Variants in SSH1 observed in about 807,000 individuals in gnomAD.
SSH1 encodes the protein slingshot protein phosphatase 1.
SSH1 carries 43 observed loss-of-function variants against 79.7 expected under a neutral mutation model. That is an observed-to-expected ratio of 0.54 (90% CI 0.42 to 0.70). The LOEUF (loss-of-function observed/expected upper bound fraction) is 0.70, where lower values mean the gene tolerates loss of function less well. SSH1 is among the 30% of genes least tolerant of loss of function. The probability of loss-of-function intolerance (pLI) is 0.00; values close to 1 mark genes in which losing one functional copy is unlikely to be tolerated. For missense variants in SSH1, 1,206 were observed against 1,358.8 expected (o/e 0.89, Z 1.77); for synonymous variants, 599 against 538.3 (o/e 1.11, Z -1.56).
At chr12:108,824,915 T>G (rs1698387475) in intron 2 of SSH1, among the ~76,000 whole-genome samples, 1 of 152,166 alleles carries the variant, frequency 6.6e-6, no homozygotes, top group African/African-American at 2.4e-5. Context: ...TACACCAAAA[T>G]TATTAACAAC....
rs1465486100 is a variant in SSH1 at position 108,810,103 on chromosome 12, G to A, written c.471-345C>T. On this transcript the variant is annotated intron_variant, in intron 6 of 14. Coordinates refer to ENST00000326495, the MANE Select transcript of SSH1 (RefSeq NM_018984.4). ...CACCTCCTGTCCCACAGGCCCGGCC[G>A]TTCCTTTTTGTAATTGCATGGAAAC... Among the ~76,000 whole-genome samples, 139 of 151,948 alleles carry A rather than the reference G, an allele frequency of 9.1e-4. 1 individual carries two copies. The highest frequency in any genetic ancestry group is 3.5e-4 in the Non-Finnish European group (24 of 68,024).
chr12:108,841,364 G>A (rs2038772379), intron 2 of SSH1, among the ~76,000 whole-genome samples: 1 of 152,256 alleles, frequency 6.6e-6, no homozygotes, highest in Non-Finnish European at 1.5e-5. Flanking sequence ...AAGTACTGGT[G>A]TTTCGAAAGT....
chr12:108,845,087 C>T (rs1240483552), intron 2 of SSH1, among the ~76,000 whole-genome samples: 1 of 149,452 alleles, frequency 6.7e-6, no homozygotes, highest in African/African-American at 2.5e-5. Context: ...GGTACACCTA[C>T]AGTCCCAGCT....
Position 108,788,915 on chromosome 12 carries a change from C to A in SSH1, c.2223G>T (p.Leu741Phe). The A allele has an allele frequency of 1.9e-6, 3 of 1,614,196 alleles. No individual in the cohort carries two copies. The highest frequency in any genetic ancestry group is 2.5e-6 in the Non-Finnish European group (3 of 1,180,038). The change falls in exon 15 of 15, where the codon TTG becomes TTT. Residue 741 changes from leucine to phenylalanine, a missense_variant. Physicochemically the swap from Leu to Phe is conservative, Grantham distance 22. This residue lies in a region of SSH1 where 709 missense variants were observed against 730.6 expected (regional missense o/e 0.97). Coordinates refer to ENST00000326495, the MANE Select transcript of SSH1 (RefSeq NM_018984.4). ...CTTTTGGGGTCTCTCTGGAAGGTTC[C>A]AAAAGGCTGGCTGGTGGCTCTAGGG... is the stretch of plus-strand genomic sequence containing the variant. ...GAALEPPASL[L>F]EPSRETPKVL...
chr12:108,811,712 G>A (rs558985682), intron 5 of SSH1: 60 of 339,108 alleles, frequency 1.8e-4, no homozygotes, highest in Admixed American at 1.2e-3. Flanking sequence ...TGCTCACACC[G>A]TTCCCGGAGC....
chr12:108,853,671 C>T (rs2039089096), intron 1 of SSH1, among the ~76,000 whole-genome samples: 1 of 152,162 alleles, frequency 6.6e-6, no homozygotes, highest in African/African-American at 2.4e-5. Context: ...CACCTGGAAT[C>T]CCAGCACTGC....
intron 10 of SSH1, among the ~76,000 whole-genome samples, chr12:108,804,546 C>T (rs2037178706): frequency 6.6e-6 from 1 of 152,220 alleles, no homozygotes; most frequent in East Asian, 1.9e-4. Flanking sequence ...TTCCAGCGGC[C>T]CTGGAGCCGT....
At chr12:108,810,702 C>A (rs1260910352) in intron 6 of SSH1, among the ~76,000 whole-genome samples, 1 of 152,236 alleles carries the variant, frequency 6.6e-6, no homozygotes, top group African/African-American at 2.4e-5. Flanking sequence ...CTGTTTCTTC[C>A]CACTCCTCAC....
At chr12:108,808,484 C>T (rs796638741) in intron 7 of SSH1, among the ~76,000 whole-genome samples, 6 of 152,314 alleles carry the variant, frequency 3.9e-5, no homozygotes, top group African/African-American at 1.2e-4. Flanking sequence ...ATTTTACAAC[C>T]CATCAATTAA....
Position 108,787,913 on chromosome 12 carries a change from G to T in SSH1, c.*75C>A. 1.3e-6 allele frequency: 2 copies of T among 1,575,382 alleles called. No homozygotes were observed. Among genetic ancestry groups the T allele is most frequent in the South Asian group, 1.1e-5 (1 of 90,038 alleles). On this transcript the variant is annotated 3_prime_UTR_variant, in exon 15 of 15. Transcript: ENST00000326495. ...AAGGGAAATCAAGATGTAAGGGGTCGATCCAAATCCACAGTGAAAGTGAGG... is the reference window on the plus strand; with the variant it reads ...AAGGGAAATCAAGATGTAAGGGGTCTATCCAAATCCACAGTGAAAGTGAGG...
At chr12:108,816,745 G>A (rs2037906191) in intron 5 of SSH1, among the ~76,000 whole-genome samples, 1 of 152,158 alleles carries the variant, frequency 6.6e-6, no homozygotes, top group Admixed American at 6.5e-5. Flanking sequence ...AAGCATTTCT[G>A]GCTAAGGTGC....
At chr12:108,841,123 G>GC (rs2038766845) in intron 2 of SSH1, among the ~76,000 whole-genome samples, 1 of 152,338 alleles carries the variant, frequency 6.6e-6, no homozygotes, top group African/African-American at 2.4e-5. Context: ...GTGAAGAGGC[G>GC]TTGCCTTAGG....
chr12:108,817,701 T>C (rs1331050166), intron 4 of SSH1, among the ~76,000 whole-genome samples: 1 of 152,130 alleles, frequency 6.6e-6, no homozygotes, highest in Non-Finnish European at 1.5e-5. Context: ...AAGAAATCAG[T>C]GAACACATGA....
Position 108,807,669 on chromosome 12 carries a change from G to T in SSH1, c.695C>A (p.Ser232Tyr). 1 of 1,613,064 alleles carries T rather than the reference G, an allele frequency of 6.2e-7. No homozygotes were observed. Among genetic ancestry groups the T allele is most frequent in the South Asian group, 1.1e-5 (1 of 91,018 alleles). ...NEWNAMQDLE[S>Y]TRPDSPALFV... is the part of the protein sequence containing the mutation. ...TAGCGCGGGGGAGTCGGGCCGCGTA[G>T]ACTCCAGGTCCTGCATGGCGTTCCA... Residue 232 changes from serine to tyrosine, a missense_variant, in exon 8 of 15, where the codon TCT becomes TAT. This residue lies in a region of SSH1 where 116 missense variants were observed against 109.0 expected (regional missense o/e 1.06). Transcript: ENST00000326495. The surrounding 1 kb of genome is among the most constrained non-coding windows in gnomAD (Gnocchi z 5.2).
At chr12:108,805,343 C>T (rs964867243) in intron 9 of SSH1, among the ~76,000 whole-genome samples, 159 bp from the exon 10 acceptor site, 2 of 152,270 alleles carry the variant, frequency 1.3e-5, no homozygotes, top group Non-Finnish European at 2.9e-5. Flanking sequence ...AACATACATG[C>T]GTGGGTGGCA....
In SSH1 at chr12:108,799,213, GAGCAGTTGGGGAGGAGAGATGGGGGAGA is replaced by G. The variant is rs1325026333; in HGVS notation, c.1149-41_1149-14del. On this transcript the variant is annotated splice_polypyrimidine_tract_variant and intron_variant, in intron 12 of 14. Coordinates refer to ENST00000326495, the MANE Select transcript of SSH1 (RefSeq NM_018984.4). ...GGAATGGTTCCTCCTGCAGGGGTGG[GAGCAGTTGGGGAGGAGAGATGGGGGAGA>G]AGCAGTGGGGAAGGAGTTAAAAAGC... The G allele has an allele frequency of 6.2e-7, 1 of 1,605,926 alleles. No individual in the cohort carries two copies. The highest frequency in any genetic ancestry group is 8.5e-7 in the Non-Finnish European group (1 of 1,174,936).
At chr12:108,799,240 G>A in intron 12 of SSH1, 40 bp from the exon 13 acceptor site, 1 of 1,546,134 alleles carries the variant, frequency 6.5e-7, no homozygotes, top group Non-Finnish European at 8.8e-7. Context: ...AGATGGGGGA[G>A]AAGCAGTGGG....
rs754622860 is a variant in SSH1, at chr12:108,788,965, T to C, written c.2173A>G (p.Thr725Ala). ...LPPAGSRRAD[T>A]SGPGAGAALE... ...GCAGCTCCAGCCCCAGGGCCACTGGTGTCTGCCCTCCTGGAGCCTGCTGGT... is the reference window on the plus strand; with the variant it reads ...GCAGCTCCAGCCCCAGGGCCACTGGCGTCTGCCCTCCTGGAGCCTGCTGGT... The change falls in exon 15 of 15, where the codon ACC becomes GCC. Residue 725 changes from threonine (T) to alanine (A), a missense_variant. This residue lies in a region of SSH1 where 709 missense variants were observed against 730.6 expected (regional missense o/e 0.97). Coordinates refer to ENST00000326495, the MANE Select transcript of SSH1 (RefSeq NM_018984.4). The C allele has an allele frequency of 2.5e-6, 4 of 1,613,292 alleles. No homozygotes were observed. In the African/African-American group the frequency reaches 4.0e-5, roughly 16 times the overall value.
In SSH1 at chr12:108,784,139, T is replaced by G. The variant is rs977496468; in HGVS notation, c.*3849A>C. On this transcript the variant is annotated 3_prime_UTR_variant, in exon 15 of 15. Transcript: ENST00000326495. ...AGGATCTTGACTAAATTATGTAGCATTTGTTCCCACTAGAGAGAAAAGGTC... is the reference window on the plus strand; with the variant it reads ...AGGATCTTGACTAAATTATGTAGCAGTTGTTCCCACTAGAGAGAAAAGGTC... 4.6e-5 allele frequency: 7 copies of G among 152,204 alleles called. No homozygotes were observed. The highest frequency in any genetic ancestry group is 1.7e-4 in the African/African-American group (7 of 41,440). 9.4% of individuals were successfully genotyped at this position (152,204 alleles called of 1,614,324 possible). A position where few individuals can be genotyped will look rare whatever the true frequency, so the allele number is the denominator to read the frequency against.
Sources: gnomAD v4.1 joint callset for allele counts (sites outside exome capture counted in the v4.1 genomes callset) on GRCh38, gnomAD v4.1.1 for gene constraint, gnomAD v4.1.1 regional missense constraint, Gnocchi (gnomAD v3.1) non-coding constraint, MANE v1.5 for transcripts, NCBI Gene and HGNC (gene_info 2026-07-23, HGNC 2026-07-21) for gene names.